Variants in RPS6KC1 observed in about 807,000 individuals in gnomAD.
RPS6KC1 encodes the protein ribosomal protein S6 kinase C1.
A neutral mutation model predicts 103.8 loss-of-function variants in RPS6KC1; 54 were observed. That is an observed-to-expected ratio of 0.52 (90% confidence interval 0.42 to 0.65). The LOEUF (loss-of-function observed/expected upper bound fraction) is 0.65. Among genes scored for constraint, RPS6KC1 ranks in the 30% least tolerant of loss-of-function variants. The probability of loss-of-function intolerance (pLI) is 0.00; values close to 1 mark genes in which losing one functional copy is unlikely to be tolerated. For missense variants in RPS6KC1, 1,151 were observed against 1,253.8 expected (o/e 0.92, Z 1.24); for synonymous variants, 439 against 438.7 (o/e 1.00, Z -0.01).
At chr1:213,336,807 G>A in the RPS6KC1 span, among the ~76,000 whole-genome samples, 1 of 152,118 alleles carries the variant, frequency 6.6e-6, no homozygotes, top group African/African-American at 2.4e-5. Context: ...GTTCTTTGTT[G>A]TCACCCAGCT....
At chr1:213,592,659 C>T in the RPS6KC1 span, among the ~76,000 whole-genome samples, 1 of 152,064 alleles carries the variant, frequency 6.6e-6, no homozygotes, top group Non-Finnish European at 1.5e-5. Context: ...AATTTAATGC[C>T]CACTTAATGT....
the RPS6KC1 span, among the ~76,000 whole-genome samples, chr1:213,310,768 A>C: frequency 6.6e-6 from 1 of 152,170 alleles, no homozygotes; most frequent in African/African-American, 2.4e-5. Context: ...GAAATGAATA[A>C]ATTTTGTTAT....
rs59898531 is a variant in RPS6KC1 at position 213,266,901 on chromosome 1, CTCAA to C, written c.3090+4086_3090+4089del. ...CTGGGCAACAATATTGAGGCTCCGT[CTCAA>C]ACAAACAAACAAACAAACAAACAAA... is the stretch of plus-strand genomic sequence containing the variant. On this transcript the variant is annotated intron_variant, in intron 14 of 14. Transcript: ENST00000366960. Among the ~76,000 whole-genome samples the C allele has an allele frequency of 3.6e-3, 463 of 127,794 alleles. 3 individuals are homozygous for C. The highest frequency in any genetic ancestry group is 0.011 in the African/African-American group (408 of 38,408). The allele number at this position is 127,794 out of a possible 152,430, so 83.8% of individuals were successfully genotyped here.
the RPS6KC1 span, among the ~76,000 whole-genome samples, chr1:213,836,700 C>G: frequency 6.6e-5 from 10 of 152,158 alleles, no homozygotes; most frequent in African/African-American, 2.4e-4. Context: ...ATAATACCTA[C>G]TATTGCCATA....
At chr1:213,635,352 A>G in the RPS6KC1 span, among the ~76,000 whole-genome samples, 11 of 152,240 alleles carry the variant, frequency 7.2e-5, no homozygotes, top group Admixed American at 5.9e-4. Context: ...TCCCTAATGA[A>G]CATCGATGTG....
At chr1:213,337,786 C>T in the RPS6KC1 span, among the ~76,000 whole-genome samples, 1 of 152,136 alleles carries the variant, frequency 6.6e-6, no homozygotes, top group East Asian at 1.9e-4. Context: ...AGGGATGATA[C>T]AGCTCCACAC....
At chr1:213,781,320 T>C in the RPS6KC1 span, among the ~76,000 whole-genome samples, 1 of 152,006 alleles carries the variant, frequency 6.6e-6, no homozygotes, top group African/African-American at 2.4e-5. Flanking sequence ...CAGAGGGAGC[T>C]CATTTATGTG....
the RPS6KC1 span, among the ~76,000 whole-genome samples, chr1:213,516,022 C>T: frequency 6.6e-6 from 1 of 152,094 alleles, no homozygotes; most frequent in African/African-American, 2.4e-5. Context: ...CATGATTTGG[C>T]TCTCTGTTTG....
intron 12 of RPS6KC1, among the ~76,000 whole-genome samples, chr1:213,243,814 C>T (rs1451634411): frequency 6.6e-6 from 1 of 152,036 alleles, no homozygotes; most frequent in Non-Finnish European, 1.5e-5. Context: ...GTATTTAATA[C>T]TTAACAGCTA....
At chr1:213,621,332 A>G in the RPS6KC1 span, among the ~76,000 whole-genome samples, 2 of 150,256 alleles carry the variant, frequency 1.3e-5, no homozygotes, top group East Asian at 3.9e-4. Context: ...GACCCACGCC[A>G]AGTATTCTTG....
At chr1:213,811,774 A>T in the RPS6KC1 span, among the ~76,000 whole-genome samples, 2 of 152,228 alleles carry the variant, frequency 1.3e-5, no homozygotes, top group Non-Finnish European at 2.9e-5. Flanking sequence ...GGGTTGAATT[A>T]TTAAGAACCT....
the RPS6KC1 span, among the ~76,000 whole-genome samples, chr1:213,352,886 A>G: frequency 6.6e-6 from 1 of 152,208 alleles, no homozygotes; most frequent in African/African-American, 2.4e-5. Flanking sequence ...AAGGTGTGGA[A>G]GATATGTACT....
the RPS6KC1 span, among the ~76,000 whole-genome samples, chr1:213,374,323 T>C: frequency 6.6e-6 from 1 of 152,270 alleles, no homozygotes; most frequent in African/African-American, 2.4e-5. Flanking sequence ...TAAAGCAAAC[T>C]GATAACTTTT....
intron 8 of RPS6KC1, among the ~76,000 whole-genome samples, chr1:213,220,120 A>T (rs967014786): frequency 6.6e-6 from 1 of 152,172 alleles, no homozygotes; most frequent in Non-Finnish European, 1.5e-5. Flanking sequence ...AGAAATATTG[A>T]TATTTACATT....
chr1:213,740,138 G>T, the RPS6KC1 span, among the ~76,000 whole-genome samples: 1 of 152,068 alleles, frequency 6.6e-6, no homozygotes, highest in South Asian at 2.1e-4. Context: ...TGATCTCTAG[G>T]AACATTTTCT....
chr1:213,854,500 CTCTTTCTTTCTCTT>C, the RPS6KC1 span, among the ~76,000 whole-genome samples: 2 of 150,218 alleles, frequency 1.3e-5, no homozygotes, highest in Admixed American at 1.3e-4. Context: ...CCAATATAAT[CTCTTTCTTTCTCTT>C]TCTTTCTTTC....
the RPS6KC1 span, among the ~76,000 whole-genome samples, chr1:213,407,214 G>GTGCA: frequency 5.4e-5 from 1 of 18,392 alleles, no homozygotes; most frequent in Non-Finnish European, 8.8e-5. Context: ...TTACATGCAC[G>GTGCA]CGCGCACACA....
the RPS6KC1 span, among the ~76,000 whole-genome samples, chr1:213,347,831 G>T: frequency 1.3e-5 from 2 of 152,120 alleles, no homozygotes; most frequent in African/African-American, 2.4e-5. Flanking sequence ...AAGATAAGAA[G>T]GCAGACATGA....
chr1:213,559,909 AT>A, the RPS6KC1 span, among the ~76,000 whole-genome samples: 1 of 152,170 alleles, frequency 6.6e-6, no homozygotes, highest in African/African-American at 2.4e-5. Context: ...GCTTTTTTTC[AT>A]ACTAAGTCTT....
Sources: allele counts gnomAD v4.1 joint callset (sites outside exome capture counted in the v4.1 genomes callset), GRCh38; gene constraint gnomAD v4.1.1; transcripts MANE v1.5; gene names NCBI Gene and HGNC (gene_info 2026-07-23, HGNC 2026-07-21).